The following HERC2 variants were observed in gnomAD, a reference collection of about 807,000 sequenced individuals.
HERC2 encodes the protein E3 ubiquitin-protein ligase HERC2.
In HERC2, 102 loss-of-function variants were observed where a neutral mutation model predicts 537.7. The ratio of observed to expected loss-of-function variants is 0.19; its 90% CI spans 0.16 to 0.22. HERC2 has a LOEUF of 0.22. Ranked by LOEUF, HERC2 falls within the 10% of genes least tolerant of loss-of-function variation. The probability of loss-of-function intolerance (pLI) is 1.00; values close to 1 mark genes in which losing one functional copy is unlikely to be tolerated. For synonymous variants in HERC2, 2,224 were observed against 2,466.2 expected (o/e 0.90, Z 2.91); for missense variants, 4,236 against 6,198.2 (o/e 0.68, Z 10.63).
intron 78 of HERC2, among the ~76,000 whole-genome samples, chr15:28,137,799 A>T (rs1463452479): frequency 6.6e-6 from 1 of 152,184 alleles, no homozygotes; most frequent in Non-Finnish European, 1.5e-5. Context: ...CATATTTCTC[A>T]CTTTAAGTCA....
chr15:28,132,467 C>T (rs981891134), intron 80 of HERC2, among the ~76,000 whole-genome samples, 186 bp downstream of exon 80: 1 of 152,242 alleles, frequency 6.6e-6, no homozygotes, highest in Non-Finnish European at 1.5e-5. Context: ...GAGGAGGTAT[C>T]AGCGTCTTTG....
chr15:28,236,969 A>G lies in HERC2; in HGVS notation c.3997T>C (p.Cys1333Arg), dbSNP rs1902528604. ...STPLSPVEIE[C>R]AKWLQSSIFS... ...AAAGCAAAGATTTTCTTACTGGCAC[A>G]TTCAATCTCGACAGGAGACAGCGGT... The change falls in exon 26 of 93, where the codon TGT becomes CGT. Residue 1333 changes from cysteine to arginine, a missense_variant. Cys to Arg is a radical substitution (Grantham distance 180). This residue lies in a region of HERC2 where 754 missense variants were observed against 1,085.0 expected (regional missense o/e 0.69). Transcript: ENST00000261609. The G allele has an allele frequency of 1.2e-6, 2 of 1,611,748 alleles. No homozygotes were observed. The highest frequency in any genetic ancestry group is 3.3e-5 in the Admixed American group (2 of 59,990).
intron 37 of HERC2, among the ~76,000 whole-genome samples, chr15:28,219,874 C>T (rs752369289): frequency 1.3e-5 from 2 of 152,190 alleles, no homozygotes; most frequent in African/African-American, 2.4e-5. Context: ...AAACCTCCTC[C>T]CGCAACCTGG....
chr15:28,210,115 C>T (rs1278694364), intron 44 of HERC2, among the ~76,000 whole-genome samples: 1 of 151,318 alleles, frequency 6.6e-6, no homozygotes, highest in Non-Finnish European at 1.5e-5. Flanking sequence ...GCGGCCACCA[C>T]TATGCCCCAC....
At chr15:28,134,009 A>G (rs1890362618) in intron 79 of HERC2, among the ~76,000 whole-genome samples, 1 of 152,178 alleles carries the variant, frequency 6.6e-6, no homozygotes, top group South Asian at 2.1e-4. Context: ...CCGCTTATCA[A>G]TTTCTATACA....
intron 79 of HERC2, among the ~76,000 whole-genome samples, chr15:28,134,407 C>CA (rs559358164): frequency 2.2e-4 from 33 of 152,154 alleles, no homozygotes; most frequent in African/African-American, 7.7e-4. Flanking sequence ...ATGTTTTCTG[C>CA]AAAAAAGACA....
chr15:28,194,251 C>G (rs1361341093), intron 52 of HERC2, among the ~76,000 whole-genome samples: 3 of 147,810 alleles, frequency 2.0e-5, no homozygotes, highest in Non-Finnish European at 3.0e-5. Flanking sequence ...ATTTTTAGTA[C>G]AGACGGGGTT....
At chr15:28,270,459 C>T (rs1350765829) in intron 10 of HERC2, among the ~76,000 whole-genome samples, 4 of 152,058 alleles carry the variant, frequency 2.6e-5, no homozygotes, top group African/African-American at 9.7e-5. Flanking sequence ...GGGGCTGTGC[C>T]ACCTGAACCT....
At chr15:28,223,036 T>A (rs562416157) in intron 35 of HERC2, among the ~76,000 whole-genome samples, 20 of 152,150 alleles carry the variant, frequency 1.3e-4, no homozygotes, top group Admixed American at 3.3e-4. Context: ...AGCCCTGAGT[T>A]CAACTACATG....
rs574228980 is a variant in HERC2, at chr15:28,116,708, C to T, written c.13566G>A (p.Pro4522=). ...GANRDCYLLS[P]AARAPVHSSM... is the part of the protein sequence containing the mutation. ...TGCTGTGCACGGGTGCTCTGGCGGC[C>T]GGGCTGAGCAGGTAGCAGTCTCGGT... The change falls in exon 88 of 93, where the codon CCG becomes CCA. Residue 4522 remains proline, a synonymous_variant. Coordinates refer to ENST00000261609, the MANE Select transcript of HERC2 (RefSeq NM_004667.6). The T allele has an allele frequency of 3.0e-5, 48 of 1,613,556 alleles. No individual in the cohort carries two copies. The Middle Eastern group carries it at 8.3e-4, about 28-fold the overall frequency.
intron 20 of HERC2, among the ~76,000 whole-genome samples, chr15:28,251,364 A>G (rs1213356287): frequency 1.3e-5 from 2 of 151,500 alleles, no homozygotes; most frequent in African/African-American, 4.9e-5. Context: ...AATCATTTGA[A>G]CCCAGGAGGC....
At chr15:28,155,568 T>A (rs1434962333) in intron 69 of HERC2, among the ~76,000 whole-genome samples, 1 of 150,844 alleles carries the variant, frequency 6.6e-6, no homozygotes, top group Non-Finnish European at 1.5e-5. Context: ...TGTCTTCTTT[T>A]GAGAAGTGTC....
At chr15:28,237,801 ACCT>A (rs1203966066) in intron 25 of HERC2, among the ~76,000 whole-genome samples, 2 of 152,184 alleles carry the variant, frequency 1.3e-5, no homozygotes, top group Non-Finnish European at 2.9e-5. Flanking sequence ...AAAAAATACT[ACCT>A]CAAGATTATA....
At chr15:28,164,536 CAT>C (rs1491409520) in intron 68 of HERC2, among the ~76,000 whole-genome samples, 4 of 151,962 alleles carry the variant, frequency 2.6e-5, no homozygotes, top group African/African-American at 7.3e-5. Context: ...ATGTACCTAC[CAT>C]TTTTTTTTAT....
intron 79 of HERC2, among the ~76,000 whole-genome samples, chr15:28,134,545 CAG>C (rs1457909169): frequency 6.6e-6 from 1 of 152,172 alleles, no homozygotes; most frequent in African/African-American, 2.4e-5. Context: ...ATCCTCAACT[CAG>C]GGGGAAAGCT....
intron 3 of HERC2, among the ~76,000 whole-genome samples, chr15:28,293,246 C>T (rs1008609955): frequency 6.6e-6 from 1 of 152,168 alleles, no homozygotes. Context: ...GTAATCCCAG[C>T]ACTTTGGGAA....
Position 28,111,693 on chromosome 15 carries a change from A to T in HERC2, c.*70T>A. On this transcript the variant is annotated 3_prime_UTR_variant, in exon 93 of 93. Transcript: ENST00000261609. ...TCTCATCAGACACACCAGGCAGCCT[A>T]CAGTCTACACAGCAGCGAGCGCTCT... 6.6e-7 allele frequency: 1 copy of T among 1,525,808 alleles called. No individual in the cohort carries two copies. Among genetic ancestry groups the T allele is most frequent in the Non-Finnish European group, 9.0e-7 (1 of 1,115,652 alleles). 94.5% of individuals were successfully genotyped at this position (1,525,808 alleles called of 1,614,324 possible).
intron 56 of HERC2, 151 bp downstream of exon 56, chr15:28,186,426 C>A: frequency 3.6e-6 from 2 of 549,554 alleles, no homozygotes; most frequent in Non-Finnish European, 6.1e-6. Flanking sequence ...TTAAAAAATA[C>A]AATTTTTGGA....
At chr15:28,114,526 C>G in intron 90 of HERC2, 86 bp downstream of exon 90, 12 of 1,212,364 alleles carry the variant, frequency 9.9e-6, no homozygotes, top group Non-Finnish European at 1.4e-5. Context: ...GTGTATGACA[C>G]TCCTGAAAAA....
Sources: gnomAD v4.1 joint callset for allele counts (sites outside exome capture counted in the v4.1 genomes callset) on GRCh38, gnomAD v4.1.1 for gene constraint, gnomAD v4.1.1 regional missense constraint, MANE v1.5 for transcripts, NCBI Gene and HGNC (gene_info 2026-07-23, HGNC 2026-07-21) for gene names.